GALNT3: variants seen among roughly 807,000 people sequenced by gnomAD.
The protein encoded by GALNT3 is polypeptide N-acetylgalactosaminyltransferase 3, also known as GalNAc transferase 3.
GALNT3 carries 51 observed loss-of-function variants against 69.8 expected under a neutral mutation model. The observed-to-expected ratio is 0.73, with a 90% CI of 0.58 to 0.92. GALNT3 has a LOEUF of 0.92. Ranked by LOEUF, GALNT3 falls within the 40% of genes least tolerant of loss-of-function variation. The probability of loss-of-function intolerance (pLI) is 0.00; values close to 1 mark genes in which losing one functional copy is unlikely to be tolerated. For missense variants in GALNT3, 711 were observed against 760.0 expected (o/e 0.94, Z 0.76); for synonymous variants, 265 against 248.5 (o/e 1.07, Z -0.63).
chr2:165,788,615 G>C (rs939883189), intron 1 of GALNT3, among the ~76,000 whole-genome samples: 4 of 151,792 alleles, frequency 2.6e-5, no homozygotes, highest in Admixed American at 2.6e-4. Context: ...TGTGGGTGAG[G>C]GGACACAGTT....
chr2:165,758,661 A>G (rs998771060), intron 6 of GALNT3, 86 bp downstream of exon 6: 24 of 887,106 alleles, frequency 2.7e-5, no homozygotes, highest in Non-Finnish European at 3.8e-5. Context: ...GAGTGCACAC[A>G]TCTGTAATCA....
chr2:165,755,044 G>A lies in GALNT3; in HGVS notation c.1412C>T (p.Ser471Leu), dbSNP rs1573996883. The A allele has an allele frequency of 1.2e-6, 2 of 1,612,288 alleles. No individual in the cohort carries two copies. Among genetic ancestry groups the A allele is most frequent in the Non-Finnish European group, 8.5e-7 (1 of 1,178,610 alleles). The change falls in exon 8 of 11, where the codon TCA becomes TTA. Residue 471 changes from serine to leucine, a missense_variant. Transcript: ENST00000392701. ...IVKQKAFGDL[S>L]KRFEIKHRLQ... The stretch of plus-strand genomic sequence containing the variant: ...GCGGTGTTTTATTTCAAATCTTTTT[G>A]AAAGATCACCAAATGCTTTCTGTAG...
At chr2:165,760,282 G>A (rs566007657) in intron 4 of GALNT3, among the ~76,000 whole-genome samples, 5 of 152,208 alleles carry the variant, frequency 3.3e-5, no homozygotes, top group African/African-American at 9.6e-5. Context: ...TATAAATTCC[G>A]ATTTTAGCAA....
intron 1 of GALNT3, among the ~76,000 whole-genome samples, chr2:165,779,198 A>G (rs986795774): frequency 1.3e-5 from 2 of 152,210 alleles, no homozygotes; most frequent in Admixed American, 6.5e-5. Context: ...CAGAAACCAG[A>G]AAGAGAAGCC....
In GALNT3 at chr2:165,770,634, G is replaced by A. The variant is rs1688735771; in HGVS notation, c.67C>T (p.Leu23Phe). ...ATAAAGAAAAAAATTACTGCACCAAGCTTCCAGAACTTTTTATGGTAATGT... is the reference window on the plus strand; with the variant it reads ...ATAAAGAAAAAAATTACTGCACCAAACTTCCAGAACTTTTTATGGTAATGT... ...KRHYHKKFWK[L>F]GAVIFFFIIV... Residue 23 changes from leucine to phenylalanine, a missense_variant, in exon 2 of 11, where the codon CTT becomes TTT. Leu to Phe is a conservative substitution (Grantham distance 22). Transcript: ENST00000392701. 1.2e-6 allele frequency: 2 copies of A among 1,601,356 alleles called. No homozygotes were observed. Among genetic ancestry groups the A allele is most frequent in the Non-Finnish European group, 8.5e-7 (1 of 1,176,210 alleles).
At chr2:165,771,256 G>A (rs867429644) in intron 1 of GALNT3, 5 of 152,138 alleles carry the variant, frequency 3.3e-5, no homozygotes, top group African/African-American at 1.2e-4. Flanking sequence ...TTCATTTTAT[G>A]TAGTTTACCC....
At chr2:165,758,893 T>C in intron 5 of GALNT3, 29 bp from the exon 6 acceptor site, 2 of 1,330,362 alleles carry the variant, frequency 1.5e-6, no homozygotes, top group South Asian at 1.2e-5. Flanking sequence ...TCAAATTTTG[T>C]TATAAAAACT....
chr2:165,758,104 C>T (rs139670829), intron 6 of GALNT3, among the ~76,000 whole-genome samples: 1,912 of 152,222 alleles, frequency 0.013, 24 homozygotes, highest in Non-Finnish European at 0.02. Flanking sequence ...AACAAGACCC[C>T]GCCATAAGCA....
chr2:165,789,328 A>G (rs751747738), intron 1 of GALNT3, among the ~76,000 whole-genome samples: 23 of 152,170 alleles, frequency 1.5e-4, no homozygotes, highest in Non-Finnish European at 2.6e-4. Context: ...CCTCTTTTAT[A>G]AGGACATTAT....
chr2:165,759,037 G>C (rs187498680), intron 5 of GALNT3, among the ~76,000 whole-genome samples, 173 bp from the exon 6 acceptor site: 2 of 152,090 alleles, frequency 1.3e-5, no homozygotes, highest in African/African-American at 4.8e-5. Flanking sequence ...GGGTCGGGGG[G>C]AGTACTTCGT....
At chr2:165,781,813 TTAA>T in intron 1 of GALNT3, among the ~76,000 whole-genome samples, 1 of 152,140 alleles carries the variant, frequency 6.6e-6, no homozygotes, top group East Asian at 1.9e-4. Flanking sequence ...GTTACGATGA[TTAA>T]GATTAAGAAT....
rs936948359 is a variant in GALNT3, at chr2:165,784,055, A to G, written c.-109+9960T>C. 4.9e-4 allele frequency among the ~76,000 whole-genome samples: 75 copies of G among 152,180 alleles called. 1 individual carries two copies. The highest frequency in any genetic ancestry group is 1.7e-3 in the African/African-American group (70 of 41,444). The stretch of plus-strand genomic sequence containing the variant: ...CTTTAATGTAAAATTTGGGTTGGAA[A>G]TAAACCGGTCTCAGCCTAAACTTTA... On this transcript the variant is annotated intron_variant, in intron 1 of 10. Transcript: ENST00000392701.
At chr2:165,754,356 C>T (rs908543233) in intron 9 of GALNT3, among the ~76,000 whole-genome samples, 1 of 139,574 alleles carries the variant, frequency 7.2e-6, no homozygotes, top group African/African-American at 2.7e-5. Flanking sequence ...TCCCAAAGTG[C>T]TGGGATTACA....
Position 165,761,964 on chromosome 2 carries a change from G to A in GALNT3, c.779C>T (p.Ala260Val). Residue 260 changes from alanine to valine, a missense_variant, in exon 4 of 11, where the codon GCT (alanine) becomes GTT (valine). Physicochemically the swap from Ala to Val is moderately conservative, Grantham distance 64. Transcript: ENST00000392701. The part of the protein sequence containing the change: ...RQRERKGLIT[A>V]RLLGATVATA... The stretch of plus-strand genomic sequence containing the variant: ...TGCGACTGTTGCTCCTAGCAACCGA[G>A]CAGTGATCAGACCTTTTCTTTCTCT... 1 of 1,613,764 alleles carries A rather than the reference G, an allele frequency of 6.2e-7. No individual in the cohort carries two copies. The highest frequency in any genetic ancestry group is 8.5e-7 in the Non-Finnish European group (1 of 1,179,738).
At chr2:165,749,168 A>G (rs1688310904) in intron 10 of GALNT3, among the ~76,000 whole-genome samples, 1 of 152,154 alleles carries the variant, frequency 6.6e-6, no homozygotes, top group Admixed American at 6.6e-5. Context: ...TTCCCTTGAT[A>G]TATCCATAAG....
chr2:165,782,304 G>T (rs1364938554), intron 1 of GALNT3, among the ~76,000 whole-genome samples: 1 of 151,726 alleles, frequency 6.6e-6, no homozygotes, highest in African/African-American at 2.4e-5. Context: ...GTTTCCCTGG[G>T]CCACATTAGA....
At position 165,757,186 on chromosome 2, in the gene GALNT3, C is replaced by A. The variant is rs143396063; in HGVS notation, c.1253G>T (p.Arg418Leu). Residue 418 changes from arginine to leucine, a missense_variant, in exon 7 of 11, where the codon CGC becomes CTC. Physicochemically the swap from Arg to Leu is moderately radical, Grantham distance 102 (BLOSUM62 -2). Transcript: ENST00000392701. ...MPCSVVGHVF[R>L]SKSPHSFPKG... is the part of the protein sequence containing the mutation. ...TGGAAAGCTATGAGGGCTTTTGCTG[C>A]GAAAAACATGTCCAACAACAGAGCA... The A allele has an allele frequency of 3.1e-6, 5 of 1,614,034 alleles. No homozygotes were observed. Among genetic ancestry groups the A allele is most frequent in the Non-Finnish European group, 4.2e-6 (5 of 1,179,964 alleles).
At chr2:165,782,141 G>C (rs1003945175) in intron 1 of GALNT3, among the ~76,000 whole-genome samples, 2 of 152,130 alleles carry the variant, frequency 1.3e-5, no homozygotes, top group African/African-American at 4.8e-5. Flanking sequence ...TCAAATCTTT[G>C]ATAGTGACAT....
At chr2:165,776,690 T>C (rs1682961143) in intron 1 of GALNT3, among the ~76,000 whole-genome samples, 1 of 152,142 alleles carries the variant, frequency 6.6e-6, no homozygotes, top group Non-Finnish European at 1.5e-5. Context: ...AAGTCATTAA[T>C]AAAAATATTC....
Sources: allele counts gnomAD v4.1 joint callset (sites outside exome capture counted in the v4.1 genomes callset), GRCh38; gene constraint gnomAD v4.1.1; transcripts MANE v1.5; gene names NCBI Gene and HGNC (gene_info 2026-07-23, HGNC 2026-07-21).